Variants in SLCO3A1 observed in about 807,000 individuals in gnomAD.
The protein encoded by SLCO3A1 is solute carrier organic anion transporter family member 3A1, also known as PGE1 transporter.
Under a neutral mutation model 63.1 loss-of-function variants are expected in SLCO3A1, and 27 were observed. The observed-to-expected ratio is 0.43, with a 90% confidence interval of 0.32 to 0.59. SLCO3A1 has a LOEUF of 0.59. Among genes scored for constraint, SLCO3A1 ranks in the 20% least tolerant of loss-of-function variants. SLCO3A1 has a pLI of 0.09. For missense variants in SLCO3A1, 773 were observed against 945.8 expected, an observed-to-expected ratio of 0.82 and a Z score of 2.40; for synonymous variants, 473 against 409.9, an observed-to-expected ratio of 1.15 and a Z score of -1.86.
At chr15:92,068,388 GA>G (rs766875437) in intron 2 of SLCO3A1, among the ~76,000 whole-genome samples, 120 of 140,286 alleles carry the variant, frequency 8.6e-4, no homozygotes, top group Non-Finnish European at 1.5e-3. Context: ...TTCCTCTTCA[GA>G]AAAGGGAAGC....
At chr15:92,134,912 G>A (rs1172608995) in intron 7 of SLCO3A1, among the ~76,000 whole-genome samples, 1 of 151,992 alleles carries the variant, frequency 6.6e-6, no homozygotes, top group Non-Finnish European at 1.5e-5. Flanking sequence ...GAGTGGGCAT[G>A]TTCTCCGCTG....
intron 7 of SLCO3A1, among the ~76,000 whole-genome samples, chr15:92,131,431 C>G (rs1444904253): frequency 6.9e-6 from 1 of 143,924 alleles, no homozygotes; most frequent in Non-Finnish European, 1.5e-5. Context: ...ATGGCACAAC[C>G]TCGGCTCACT....
chr15:92,125,866 C>A (rs9806471), intron 5 of SLCO3A1, among the ~76,000 whole-genome samples, 195 bp from the exon 6 acceptor site: 2 of 151,810 alleles, frequency 1.3e-5, no homozygotes, highest in Non-Finnish European at 2.9e-5. Context: ...ATGTCTGTCT[C>A]CCCCAGTTCT....
At chr15:92,031,646 G>A (rs2046649891) in intron 2 of SLCO3A1, among the ~76,000 whole-genome samples, 1 of 152,196 alleles carries the variant, frequency 6.6e-6, no homozygotes, top group Non-Finnish European at 1.5e-5. Flanking sequence ...GGGGCATAGA[G>A]CTGGGCCAAG....
chr15:91,918,505 T>G (rs1898735174), intron 2 of SLCO3A1, among the ~76,000 whole-genome samples: 1 of 152,182 alleles, frequency 6.6e-6, no homozygotes, highest in Non-Finnish European at 1.5e-5. Context: ...GGGTTTGTGT[T>G]TATCGGGATC....
intron 2 of SLCO3A1, among the ~76,000 whole-genome samples, chr15:92,041,752 G>T (rs1056213240): frequency 6.6e-6 from 1 of 152,144 alleles, no homozygotes; most frequent in African/African-American, 2.4e-5. Flanking sequence ...GAGGTCCAAG[G>T]AGACGAAATA....
chr15:91,883,136 T>C lies in SLCO3A1; in HGVS notation c.180+29048T>C, dbSNP rs955169067. Among the ~76,000 whole-genome samples the C allele has an allele frequency of 1.3e-5, 2 of 152,218 alleles. No homozygotes were observed. Among genetic ancestry groups the C allele is most frequent in the Non-Finnish European group, 2.9e-5 (2 of 68,034 alleles). The stretch of plus-strand genomic sequence containing the variant: ...CTCTGTCAGCTCCTCTTAATCTCCA[T>C]GTTACTCAGATGCTTTGAGGCTGGT... On this transcript the variant is annotated intron_variant, in intron 1 of 9. Coordinates refer to ENST00000318445, the MANE Select transcript of SLCO3A1 (RefSeq NM_013272.4). This position sits in a 1 kb window ranked among gnomAD's most constrained non-coding sequence, Gnocchi z 4.8.
chr15:91,928,645 G>C (rs1040617806), intron 2 of SLCO3A1, among the ~76,000 whole-genome samples: 58 of 152,214 alleles, frequency 3.8e-4, no homozygotes, highest in African/African-American at 1.2e-3. Flanking sequence ...GCGGTGCTTT[G>C]TCATTTTAGC....
intron 2 of SLCO3A1, among the ~76,000 whole-genome samples, chr15:91,949,681 G>C (rs1303072791): frequency 6.6e-6 from 1 of 152,044 alleles, no homozygotes; most frequent in Non-Finnish European, 1.5e-5. Context: ...CTGGGCAGCT[G>C]TGAAGCCCTA....
intron 3 of SLCO3A1, among the ~76,000 whole-genome samples, chr15:92,100,979 G>A (rs1041254165): frequency 2.6e-5 from 4 of 152,244 alleles, no homozygotes; most frequent in Admixed American, 2.0e-4. Context: ...AGAGCTCTGT[G>A]GCTTATAGTT....
At chr15:92,001,988 TA>T (rs2046260816) in intron 2 of SLCO3A1, among the ~76,000 whole-genome samples, 1 of 152,092 alleles carries the variant, frequency 6.6e-6, no homozygotes, top group South Asian at 2.1e-4. Context: ...CCATCCTGCT[TA>T]AAAGGATCAT....
At chr15:92,127,913 C>T (rs2047945018) in intron 6 of SLCO3A1, among the ~76,000 whole-genome samples, 1 of 152,116 alleles carries the variant, frequency 6.6e-6, no homozygotes, top group South Asian at 2.1e-4. Flanking sequence ...CTCAGTGGTG[C>T]AGGCATAGCA....
chr15:92,104,911 T>C (rs1479498865), intron 4 of SLCO3A1, among the ~76,000 whole-genome samples: 1 of 151,864 alleles, frequency 6.6e-6, no homozygotes, highest in Non-Finnish European at 1.5e-5. Flanking sequence ...ATTTTGAAGT[T>C]GGCTTCCTTT....
At chr15:91,930,397 G>A (rs754789948) in intron 2 of SLCO3A1, among the ~76,000 whole-genome samples, 1 of 152,146 alleles carries the variant, frequency 6.6e-6, no homozygotes, top group Non-Finnish European at 1.5e-5. Flanking sequence ...GATGTGCGTT[G>A]TTCTGGAACC....
intron 2 of SLCO3A1, among the ~76,000 whole-genome samples, chr15:92,001,464 G>T (rs1217621421): frequency 6.6e-6 from 1 of 152,182 alleles, no homozygotes; most frequent in Non-Finnish European, 1.5e-5. Context: ...GAGCTTGACA[G>T]TGCCTCCTGC....
At chr15:92,065,287 A>G (rs941120565) in intron 2 of SLCO3A1, among the ~76,000 whole-genome samples, 1 of 152,092 alleles carries the variant, frequency 6.6e-6, no homozygotes, top group Non-Finnish European at 1.5e-5. Flanking sequence ...GGGTTTCACC[A>G]TGTTGGTCAG....
At chr15:91,929,292 A>G (rs866593788) in intron 2 of SLCO3A1, among the ~76,000 whole-genome samples, 2 of 151,898 alleles carry the variant, frequency 1.3e-5, no homozygotes, top group South Asian at 2.1e-4. Flanking sequence ...AAGTAGGTGA[A>G]CTCTCTTCCA....
chr15:91,917,770 T>G (rs1240348812), intron 2 of SLCO3A1, among the ~76,000 whole-genome samples: 1 of 152,164 alleles, frequency 6.6e-6, no homozygotes, highest in Non-Finnish European at 1.5e-5. Context: ...TTGCCTTAAG[T>G]CTTGAGTGAA....
intron 2 of SLCO3A1, among the ~76,000 whole-genome samples, chr15:92,078,641 C>T (rs2151521256): frequency 6.6e-6 from 1 of 152,328 alleles, no homozygotes; most frequent in South Asian, 2.1e-4. Context: ...TCCTGTTCTT[C>T]CTCCCCTTTC....
Sources: allele counts gnomAD v4.1 joint callset (sites outside exome capture counted in the v4.1 genomes callset), GRCh38; gene constraint gnomAD v4.1.1; non-coding constraint Gnocchi (gnomAD v3.1); transcripts MANE v1.5; gene names NCBI Gene and HGNC (gene_info 2026-07-23, HGNC 2026-07-21).